The following ATP8A1 variants were observed in gnomAD, a reference collection of about 807,000 sequenced individuals.
The protein encoded by ATP8A1 is phospholipid-transporting ATPase IA.
A neutral mutation model predicts 177.7 loss-of-function variants in ATP8A1; 90 were observed. That is an observed-to-expected ratio of 0.51 (90% CI 0.43 to 0.60). The LOEUF (loss-of-function observed/expected upper bound fraction) is 0.60. ATP8A1 is among the 20% of genes least tolerant of loss of function. The pLI, the probability that ATP8A1 is intolerant of heterozygous loss-of-function variation, is 0.00. For synonymous variants in ATP8A1, 493 were observed against 485.9 expected (o/e 1.01, Z -0.19); for missense variants, 1,072 against 1,392.8 (o/e 0.77, Z 3.67).
At chr4:42,577,149 T>C (rs1420927778) in intron 12 of ATP8A1, among the ~76,000 whole-genome samples, 1 of 152,228 alleles carries the variant, frequency 6.6e-6, no homozygotes, top group Non-Finnish European at 1.5e-5. Flanking sequence ...ATTATATAAT[T>C]CTTTGAAAGA....
chr4:42,498,205 G>A (rs978853078), intron 24 of ATP8A1, among the ~76,000 whole-genome samples: 3 of 152,112 alleles, frequency 2.0e-5, no homozygotes, highest in Non-Finnish European at 2.9e-5. Flanking sequence ...TTCTTTTCTG[G>A]AGTTGAGTCA....
At chr4:42,547,468 A>C (rs1729046647) in intron 19 of ATP8A1, among the ~76,000 whole-genome samples, 1 of 152,220 alleles carries the variant, frequency 6.6e-6, no homozygotes. Context: ...AAAGAACAGA[A>C]ACTCCCAACC....
In ATP8A1 at chr4:42,636,156, A is replaced by ACGCGCGCGTG. The variant is rs1553920759; in HGVS notation, c.50-9048_50-9047insCACGCGCGCG. Among the ~76,000 whole-genome samples the ACGCGCGCGTG allele has an allele frequency of 4.4e-5, 4 of 90,898 alleles. 1 individual carries two copies. The highest frequency in any genetic ancestry group is 1.1e-4 in the Non-Finnish European group (4 of 37,844). 59.6% of individuals were successfully genotyped at this position (90,898 alleles called of 152,430 possible). On this transcript the variant is annotated intron_variant, in intron 1 of 36. Transcript: ENST00000381668. Reference sequence around the variant, plus strand: ...CACACACACACACACACACACACACACGCACACACACACACATAAGCTTCT... The same window carrying ACGCGCGCGTG: ...CACACACACACACACACACACACACACGCGCGCGTGCGCACACACACACACATAAGCTTCT...
At chr4:42,540,629 G>T (rs1332446907) in intron 20 of ATP8A1, among the ~76,000 whole-genome samples, 25 of 151,944 alleles carry the variant, frequency 1.6e-4, no homozygotes, top group Non-Finnish European at 8.8e-5. Flanking sequence ...CATGTCATTT[G>T]CAGCATCGTA....
rs556476647 is a variant in ATP8A1 at position 42,581,896 on chromosome 4, G to A, written c.723-164C>T. On this transcript the variant is annotated intron_variant, in intron 9 of 36. Transcript: ENST00000381668. ...ACAAATAATTTTCTTAAACAGCAAC[G>A]ACACAAGTATTTACATTGCTTTTCC... is the stretch of plus-strand genomic sequence containing the variant. Among the ~76,000 whole-genome samples, 25 of 152,192 alleles carry A rather than the reference G, an allele frequency of 1.6e-4. No individual in the cohort carries two copies. In the South Asian group the frequency reaches 3.3e-3, roughly 20 times the overall value.
chr4:42,481,576 A>T (rs1449177964), intron 25 of ATP8A1, among the ~76,000 whole-genome samples: 1 of 152,204 alleles, frequency 6.6e-6, no homozygotes, highest in Non-Finnish European at 1.5e-5. Flanking sequence ...GGCATAAAGC[A>T]CTGGTCCCTG....
At chr4:42,596,724 T>C (rs1216252133) in intron 6 of ATP8A1, among the ~76,000 whole-genome samples, 1 of 151,054 alleles carries the variant, frequency 6.6e-6, no homozygotes, top group Admixed American at 6.6e-5. Flanking sequence ...GGAAGCTTCA[T>C]GCACAAAAGT....
chr4:42,558,613 T>C (rs184850172), intron 15 of ATP8A1, among the ~76,000 whole-genome samples: 153 of 152,336 alleles, frequency 1.0e-3, no homozygotes, highest in African/African-American at 3.5e-3. Flanking sequence ...TATGACAGTA[T>C]GTACTAAGAC....
intron 6 of ATP8A1, among the ~76,000 whole-genome samples, chr4:42,600,265 A>C (rs1477450071): frequency 6.6e-6 from 1 of 152,190 alleles, no homozygotes; most frequent in Non-Finnish European, 1.5e-5. Flanking sequence ...AAAAAACAAA[A>C]AGTTCTAGAT....
intron 17 of ATP8A1, 25 bp downstream of exon 17, chr4:42,552,480 T>TA (rs774283532): frequency 1.3e-6 from 2 of 1,542,842 alleles, no homozygotes; most frequent in South Asian, 2.3e-5. Flanking sequence ...CACAAAACAA[T>TA]ACTTTACAAT....
Position 42,482,433 on chromosome 4 carries a change from G to T in ATP8A1, c.2324+3063C>A, listed in dbSNP as rs143390513. 4.6e-4 allele frequency among the ~76,000 whole-genome samples: 70 copies of T among 151,938 alleles called. No homozygotes were observed. The East Asian group carries it at 0.013, about 29-fold the overall frequency. ...TATATACTTAAGAAAAATATTTGAGGCACAACATTCAACCTATACTTTAGA... is the reference window on the plus strand; with the variant it reads ...TATATACTTAAGAAAAATATTTGAGTCACAACATTCAACCTATACTTTAGA... On this transcript the variant is annotated intron_variant, in intron 25 of 36. Transcript: ENST00000381668.
At chr4:42,542,722 T>C (rs1225305160) in intron 20 of ATP8A1, among the ~76,000 whole-genome samples, 1 of 152,196 alleles carries the variant, frequency 6.6e-6, no homozygotes, top group Non-Finnish European at 1.5e-5. Flanking sequence ...TTGCTGAGAA[T>C]GATGGTTTCC....
chr4:42,608,363 A>ATTTTTTTT (rs748536968), intron 5 of ATP8A1, among the ~76,000 whole-genome samples: 3 of 138,652 alleles, frequency 2.2e-5, no homozygotes, highest in African/African-American at 5.4e-5. Context: ...CAATAATATC[A>ATTTTTTTT]TTTTTTTTTT....
At chr4:42,550,765 A>G (rs527848356) in intron 18 of ATP8A1, among the ~76,000 whole-genome samples, 6 of 152,266 alleles carry the variant, frequency 3.9e-5, no homozygotes, top group African/African-American at 9.6e-5. Flanking sequence ...TATCTCCCCA[A>G]TGACTAACAA....
At chr4:42,556,757 A>G (rs1730280936) in intron 15 of ATP8A1, among the ~76,000 whole-genome samples, 1 of 152,166 alleles carries the variant, frequency 6.6e-6, no homozygotes, top group African/African-American at 2.4e-5. Context: ...TTCAAAGGAA[A>G]AACAAGGAAC....
chr4:42,414,547 TAAAGTCA>T (rs891811066), intron 36 of ATP8A1, 73 bp downstream of exon 36: 74 of 1,249,352 alleles, frequency 5.9e-5, no homozygotes, highest in Non-Finnish European at 8.0e-5. Context: ...TAAATATCCC[TAAAGTCA>T]GGATACTGTA....
chr4:42,624,780 C>T (rs896689607), intron 3 of ATP8A1, 146 bp from the exon 4 acceptor site: 9 of 442,780 alleles, frequency 2.0e-5, no homozygotes, highest in Admixed American at 4.2e-5. Context: ...GTAATGTGTT[C>T]GTATCTAATA....
At chr4:42,623,159 C>T (rs1215885378) in intron 4 of ATP8A1, among the ~76,000 whole-genome samples, 3 of 151,964 alleles carry the variant, frequency 2.0e-5, no homozygotes, top group African/African-American at 7.2e-5. Flanking sequence ...CATCTTATAC[C>T]AGTCACAATG....
At chr4:42,611,906 G>A (rs1218697156) in intron 5 of ATP8A1, among the ~76,000 whole-genome samples, 3 of 152,210 alleles carry the variant, frequency 2.0e-5, no homozygotes, top group Non-Finnish European at 2.9e-5. Flanking sequence ...GACACATGGA[G>A]GAGGCTGTGC....
Sources: allele counts gnomAD v4.1 joint callset (sites outside exome capture counted in the v4.1 genomes callset), GRCh38; gene constraint gnomAD v4.1.1; transcripts MANE v1.5; gene names NCBI Gene and HGNC (gene_info 2026-07-23, HGNC 2026-07-21).